The following DAB1 variants were observed in gnomAD, a reference collection of about 807,000 sequenced individuals.
The protein encoded by DAB1 is DAB adaptor protein 1.
In DAB1, 15 loss-of-function variants were observed where a neutral mutation model predicts 64.6. The observed-to-expected ratio is 0.23, with a 90% confidence interval of 0.16 to 0.36. The LOEUF (loss-of-function observed/expected upper bound fraction) is 0.36, where lower values mean the gene tolerates loss of function less well. Among genes scored for constraint, DAB1 ranks in the 10% least tolerant of loss-of-function variants. DAB1 has a pLI of 1.00. For missense variants in DAB1, 596 were observed against 706.7 expected (o/e 0.84, Z 1.78); for synonymous variants, 235 against 251.9 (o/e 0.93, Z 0.64).
intron 3 of DAB1, among the ~76,000 whole-genome samples, chr1:58,482,165 G>A (rs951708412): frequency 1.3e-5 from 2 of 152,204 alleles, no homozygotes; most frequent in African/African-American, 4.8e-5. Context: ...CTGAGAAGGG[G>A]AGAGCTGCAT....
At chr1:57,707,202 T>C (rs1405700737) in intron 6 of DAB1, among the ~76,000 whole-genome samples, 1 of 152,222 alleles carries the variant, frequency 6.6e-6, no homozygotes, top group Non-Finnish European at 1.5e-5. Flanking sequence ...ACTACTAATC[T>C]GTTCTCATCT....
chr1:57,906,937 C>CAGATAGATAGAT (rs5774378), intron 5 of DAB1, among the ~76,000 whole-genome samples: 4 of 146,748 alleles, frequency 2.7e-5, no homozygotes, highest in Non-Finnish European at 6.0e-5. Flanking sequence ...ATATAATATG[C>CAGATAGATAGAT]AGATAGATAG....
chr1:57,944,095 A>G lies in DAB1; in HGVS notation n.388-59933T>C, dbSNP rs967590682. ...TCTATTCACTCAGTTTAAAGCTCATATTGAGGCCAAGGCACTCAGAGTTCT... is the reference window on the plus strand; with the variant it reads ...TCTATTCACTCAGTTTAAAGCTCATGTTGAGGCCAAGGCACTCAGAGTTCT... On this transcript the variant is annotated intron_variant and non_coding_transcript_variant, in intron 5 of 20. Transcript: ENST00000485760. Among the ~76,000 whole-genome samples the G allele has an allele frequency of 2.6e-5, 4 of 152,262 alleles. No individual in the cohort carries two copies. In the South Asian group the frequency reaches 8.3e-4, roughly 32 times the overall value.
intron 5 of DAB1, among the ~76,000 whole-genome samples, chr1:57,926,041 G>T (rs1307036518): frequency 1.3e-5 from 2 of 152,160 alleles, no homozygotes; most frequent in Non-Finnish European, 2.9e-5. Flanking sequence ...TACATTACAC[G>T]ATGTGATAGC....
intron 6 of DAB1, among the ~76,000 whole-genome samples, chr1:57,801,476 T>C (rs1302011554): frequency 2.6e-5 from 4 of 152,172 alleles, no homozygotes; most frequent in Non-Finnish European, 4.4e-5. Context: ...TGAAAAAATA[T>C]AGAAGACTTA....
At chr1:57,053,079 G>T (rs1000750235) in intron 9 of DAB1, among the ~76,000 whole-genome samples, 1 of 152,134 alleles carries the variant, frequency 6.6e-6, no homozygotes, top group Admixed American at 6.5e-5. Flanking sequence ...GTCTCACAGG[G>T]CCCTGAGATG....
chr1:57,718,243 G>A (rs1431889340), intron 6 of DAB1, among the ~76,000 whole-genome samples: 1 of 152,098 alleles, frequency 6.6e-6, no homozygotes, highest in African/African-American at 2.4e-5. Context: ...ATGTATACCT[G>A]TATTAAAATA....
At chr1:57,126,294 C>T (rs549166283) in intron 4 of DAB1, among the ~76,000 whole-genome samples, 2 of 152,168 alleles carry the variant, frequency 1.3e-5, no homozygotes, top group South Asian at 4.1e-4. Flanking sequence ...AGAAAGGAAA[C>T]CAATCAGTCA....
intron 2 of DAB1, among the ~76,000 whole-genome samples, chr1:57,237,501 C>A (rs1668181287): frequency 6.6e-6 from 1 of 152,148 alleles, no homozygotes; most frequent in African/African-American, 2.4e-5. Flanking sequence ...AATGTCACTC[C>A]CATTTTCTAC....
At chr1:57,911,736 C>A (rs928478280) in intron 5 of DAB1, among the ~76,000 whole-genome samples, 1 of 152,216 alleles carries the variant, frequency 6.6e-6, no homozygotes, top group Non-Finnish European at 1.5e-5. Flanking sequence ...CCTTCATAGT[C>A]CCTTCTCGCT....
At chr1:57,152,009 T>G (rs985040798) in intron 2 of DAB1, among the ~76,000 whole-genome samples, 3 of 152,072 alleles carry the variant, frequency 2.0e-5, no homozygotes, top group African/African-American at 2.4e-5. Flanking sequence ...AGATGAGGTT[T>G]CCCCATGTTG....
rs574952411 is a variant in DAB1, at chr1:57,938,551, C to T, written n.388-54389G>A. 2.6e-5 allele frequency among the ~76,000 whole-genome samples: 4 copies of T among 152,280 alleles called. No homozygotes were observed. In the East Asian group the frequency reaches 7.7e-4, roughly 29 times the overall value. On this transcript the variant is annotated intron_variant and non_coding_transcript_variant, in intron 5 of 20. Coordinates refer to the DAB1 transcript ENST00000485760. Reference sequence around the variant, plus strand: ...GTTCGCTCTCTCTCACCTGCTGCCACATAAGATGTGCCTTTGCTTCTGTCT... The same window carrying T: ...GTTCGCTCTCTCTCACCTGCTGCCATATAAGATGTGCCTTTGCTTCTGTCT...
chr1:57,167,572 C>A (rs1193546701), intron 2 of DAB1, among the ~76,000 whole-genome samples: 1 of 152,186 alleles, frequency 6.6e-6, no homozygotes, highest in East Asian at 1.9e-4. Context: ...ACCTCCAGCT[C>A]CTTTCCTGAG....
chr1:58,359,220 G>T (rs1644140725), intron 3 of DAB1, among the ~76,000 whole-genome samples: 1 of 152,174 alleles, frequency 6.6e-6, no homozygotes. Flanking sequence ...TGTGAAGGAA[G>T]TCAGAAATGT....
At chr1:57,251,661 CA>C (rs1426618821) in intron 2 of DAB1, among the ~76,000 whole-genome samples, 1 of 152,000 alleles carries the variant, frequency 6.6e-6, no homozygotes, top group Non-Finnish European at 1.5e-5. Flanking sequence ...AGCTCAGTTT[CA>C]ACAGAAAGCA....
intron 1 of DAB1, among the ~76,000 whole-genome samples, chr1:57,419,493 TAAA>T (rs201933527): frequency 1.3e-4 from 17 of 131,692 alleles, no homozygotes; most frequent in African/African-American, 4.3e-4. Context: ...TATTTCCAAT[TAAA>T]AAAAAAAAAA....
chr1:57,801,953 G>A (rs573377142), intron 6 of DAB1, among the ~76,000 whole-genome samples: 24 of 152,220 alleles, frequency 1.6e-4, no homozygotes, highest in African/African-American at 4.3e-4. Flanking sequence ...CCACTGCACC[G>A]GGCAGAATAT....
chr1:57,227,519 T>TTGTGTGTGTGTGTG (rs57671970), intron 2 of DAB1, among the ~76,000 whole-genome samples: 12 of 135,726 alleles, frequency 8.8e-5, no homozygotes, highest in East Asian at 2.3e-4. Context: ...TTTTTTTCTT[T>TTGTGTGTGTGTGTG]TGTGTGTGTG....
chr1:57,639,854 T>A (rs138176705), intron 7 of DAB1, among the ~76,000 whole-genome samples: 2 of 152,240 alleles, frequency 1.3e-5, no homozygotes, highest in African/African-American at 4.8e-5. Context: ...ACACAAACCA[T>A]ACAGAGTCCC....
Sources: allele counts gnomAD v4.1 joint callset (sites outside exome capture counted in the v4.1 genomes callset), GRCh38; gene constraint gnomAD v4.1.1; transcripts MANE v1.5; gene names NCBI Gene and HGNC (gene_info 2026-07-23, HGNC 2026-07-21).